Variants in FAM227B observed in about 807,000 individuals in gnomAD.
FAM227B encodes family with sequence similarity 227 member B.
FAM227B carries 88 observed loss-of-function variants against 73.8 expected under a neutral mutation model. The ratio of observed to expected loss-of-function variants is 1.19; its 90% CI spans 1.00 to 1.42. The LOEUF is 1.42. FAM227B is among the 40% of genes most tolerant of loss of function. The probability of loss-of-function intolerance (pLI) is 0.00; values close to 1 mark genes in which losing one functional copy is unlikely to be tolerated. For missense variants in FAM227B, 632 were observed against 590.9 expected, an observed-to-expected ratio of 1.07 and a Z score of -0.72; for synonymous variants, 210 against 190.5, an observed-to-expected ratio of 1.10 and a Z score of -0.84.
At chr15:49,515,913 C>T (rs534675498) in intron 10 of FAM227B, among the ~76,000 whole-genome samples, 1 of 151,916 alleles carries the variant, frequency 6.6e-6, no homozygotes, top group Non-Finnish European at 1.5e-5. Flanking sequence ...CCTCCGTTGC[C>T]CTGAATCAGC....
At chr15:49,543,724 C>T (rs1208590912) in intron 9 of FAM227B, among the ~76,000 whole-genome samples, 1 of 152,126 alleles carries the variant, frequency 6.6e-6, no homozygotes, top group Non-Finnish European at 1.5e-5. Context: ...TGTGGTTTGC[C>T]AATTATCCCA....
At chr15:49,566,268 A>AT (rs11432705) in intron 9 of FAM227B, among the ~76,000 whole-genome samples, 49,481 of 151,988 alleles carry the variant, frequency 0.33, 8,799 homozygotes, top group African/African-American at 0.46. Context: ...AGCCATGAGC[A>AT]TTTTTTTCTA....
intron 1 of FAM227B, among the ~76,000 whole-genome samples, chr15:49,617,479 A>G (rs2078363246): frequency 6.6e-6 from 1 of 152,236 alleles, no homozygotes; most frequent in Non-Finnish European, 1.5e-5. Flanking sequence ...TCTAGAAACT[A>G]GAACAAAAAT....
chr15:49,327,883 T>TACAA lies in FAM227B; in HGVS notation c.*681_*684dup. ...TAGAACTTAGATAGGCTATGTGTTC[T>TACAA]ACAAACACCAAGCAAATCCCTTGTA... is the stretch of plus-strand genomic sequence containing the variant. On this transcript the variant is annotated 3_prime_UTR_variant, in exon 16 of 16. Coordinates refer to ENST00000299338, the MANE Select transcript of FAM227B (RefSeq NM_152647.3). 3.4e-6 allele frequency: 5 copies of TACAA among 1,482,208 alleles called. No homozygotes were observed. Among genetic ancestry groups the TACAA allele is most frequent in the Non-Finnish European group, 4.6e-6 (5 of 1,086,726 alleles). 91.8% of individuals were successfully genotyped at this position (1,482,208 alleles called of 1,614,324 possible).
At chr15:49,415,398 A>T (rs2049144151) in intron 11 of FAM227B, among the ~76,000 whole-genome samples, 1 of 152,174 alleles carries the variant, frequency 6.6e-6, no homozygotes, top group African/African-American at 2.4e-5. Context: ...ACTAGGTACC[A>T]ATGTAAAGCA....
chr15:49,406,414 T>A (rs1386515395), intron 11 of FAM227B, among the ~76,000 whole-genome samples: 1 of 152,060 alleles, frequency 6.6e-6, no homozygotes, highest in Non-Finnish European at 1.5e-5. Flanking sequence ...GGTTGCACTG[T>A]TGATAGTGTT....
chr15:49,508,490 G>T, intron 10 of FAM227B, 142 bp from the exon 11 acceptor site: 1 of 597,282 alleles, frequency 1.7e-6, no homozygotes, highest in South Asian at 2.5e-5. Context: ...AAGCTGCGTA[G>T]GATTAGATAA....
chr15:49,547,723 C>T (rs955235493), intron 9 of FAM227B, among the ~76,000 whole-genome samples: 7 of 152,074 alleles, frequency 4.6e-5, no homozygotes, highest in African/African-American at 1.7e-4. Flanking sequence ...TTAAAAAAGA[C>T]AAAGAGACAT....
At chr15:49,558,682 G>A (rs570806011) in intron 9 of FAM227B, among the ~76,000 whole-genome samples, 6 of 152,140 alleles carry the variant, frequency 3.9e-5, no homozygotes, top group East Asian at 1.9e-4. Context: ...GGACCAACCC[G>A]CCACTCTTCA....
chr15:49,328,096 G>C lies in FAM227B; in HGVS notation c.*472C>G, dbSNP rs745738396. ...AGAGGAGTGATGGAAGCTTAGCACC[G>C]GAGAAGCAAAGTTTGTTTGCTACCA... On this transcript the variant is annotated 3_prime_UTR_variant, in exon 16 of 16. Coordinates refer to ENST00000299338, the MANE Select transcript of FAM227B (RefSeq NM_152647.3). 1 of 1,614,026 alleles carries C rather than the reference G, an allele frequency of 6.2e-7. No homozygotes were observed. The highest frequency in any genetic ancestry group is 8.5e-7 in the Non-Finnish European group (1 of 1,179,980).
intron 11 of FAM227B, among the ~76,000 whole-genome samples, chr15:49,478,554 T>C (rs1379520262): frequency 1.3e-5 from 2 of 152,190 alleles, no homozygotes; most frequent in African/African-American, 2.4e-5. Flanking sequence ...TAAATGTTTT[T>C]TTCTTTGTTG....
intron 7 of FAM227B, chr15:49,576,466 AG>A (rs1401635148): frequency 3.8e-6 from 1 of 262,802 alleles, no homozygotes; most frequent in Non-Finnish European, 7.3e-6. Flanking sequence ...CTGACAGAGC[AG>A]GAACAGACAA....
intron 13 of FAM227B, among the ~76,000 whole-genome samples, chr15:49,356,997 C>T (rs1198739587): frequency 8.6e-5 from 13 of 150,430 alleles, no homozygotes; most frequent in African/African-American, 1.5e-4. Context: ...GGGTACATAA[C>T]GAAATGAAGG....
intron 11 of FAM227B, among the ~76,000 whole-genome samples, chr15:49,458,987 C>T (rs561304187): frequency 3.3e-5 from 5 of 152,220 alleles, no homozygotes; most frequent in East Asian, 1.9e-4. Context: ...TAAAGCAATT[C>T]GTTTGATTGT....
chr15:49,436,787 C>G (rs1347388971), intron 11 of FAM227B, among the ~76,000 whole-genome samples: 1 of 151,562 alleles, frequency 6.6e-6, no homozygotes, highest in African/African-American at 2.4e-5. Context: ...ACATGTATCA[C>G]TATACTGTCA....
chr15:49,522,340 C>T (rs1309065586), intron 10 of FAM227B, among the ~76,000 whole-genome samples: 1 of 152,136 alleles, frequency 6.6e-6, no homozygotes. Context: ...GAAGTGATAG[C>T]TTCTTCAGTT....
chr15:49,524,772 G>C (rs555629508), intron 10 of FAM227B, among the ~76,000 whole-genome samples: 1 of 152,238 alleles, frequency 6.6e-6, no homozygotes, highest in South Asian at 2.1e-4. Context: ...TCTTGCATCA[G>C]TGTGACCTGG....
At chr15:49,546,469 T>TAC (rs2071905636) in intron 9 of FAM227B, among the ~76,000 whole-genome samples, 2 of 152,304 alleles carry the variant, frequency 1.3e-5, no homozygotes, top group South Asian at 4.1e-4. Context: ...TTTGGGTATA[T>TAC]ACCCAGTAAC....
chr15:49,406,713 C>T (rs1226422654), intron 11 of FAM227B, among the ~76,000 whole-genome samples: 2 of 151,982 alleles, frequency 1.3e-5, no homozygotes, highest in Non-Finnish European at 2.9e-5. Context: ...TACACAGAGA[C>T]GTGCACACAC....
Sources: allele counts gnomAD v4.1 joint callset (sites outside exome capture counted in the v4.1 genomes callset), GRCh38; gene constraint gnomAD v4.1.1; transcripts MANE v1.5; gene names NCBI Gene and HGNC (gene_info 2026-07-23, HGNC 2026-07-21).